Variants in ZBTB11 observed in about 807,000 individuals in gnomAD.
The protein encoded by ZBTB11 is zinc finger and BTB domain-containing protein 11.
Under a neutral mutation model 113.1 loss-of-function variants are expected in ZBTB11, and 68 were observed. That is an observed-to-expected ratio of 0.60 (90% CI 0.49 to 0.74). The LOEUF (loss-of-function observed/expected upper bound fraction) is 0.74, where lower values mean the gene tolerates loss of function less well. Ranked by LOEUF, ZBTB11 falls within the 30% of genes least tolerant of loss-of-function variation. The probability of loss-of-function intolerance (pLI) is 0.00; values close to 1 mark genes in which losing one functional copy is unlikely to be tolerated. For missense variants in ZBTB11, 1,104 were observed against 1,279.4 expected, an observed-to-expected ratio of 0.86 and a Z score of 2.09; for synonymous variants, 518 against 452.6, an observed-to-expected ratio of 1.14 and a Z score of -1.83.
intron 8 of ZBTB11, 81 bp downstream of exon 8, chr3:101,654,623 A>C: frequency 8.3e-7 from 1 of 1,203,954 alleles, no homozygotes; most frequent in Non-Finnish European, 1.2e-6. Context: ...TTACAGTTTA[A>C]TATTATCTTC....
chr3:101,676,897 G>A lies in ZBTB11; in HGVS notation c.18C>T (p.Ser6=). MSSEE[S]YRAILRYLTN... Reference sequence around the variant, plus strand: ...TCAGGTAACGCAGGATGGCCCGGTAGCTTTCCTCGCTTGACATCGCGGACC... The same window carrying A: ...TCAGGTAACGCAGGATGGCCCGGTAACTTTCCTCGCTTGACATCGCGGACC... Residue 6 remains serine, a synonymous_variant, in exon 1 of 11, where the codon AGC becomes AGT. Transcript: ENST00000312938. 3 of 1,578,030 alleles carry A rather than the reference G, an allele frequency of 1.9e-6. No homozygotes were observed. Among genetic ancestry groups the A allele is most frequent in the Non-Finnish European group, 2.6e-6 (3 of 1,157,590 alleles).
At chr3:101,651,832 T>G in intron 10 of ZBTB11, 149 bp from the exon 11 acceptor site, 1 of 916,684 alleles carries the variant, frequency 1.1e-6, no homozygotes, top group Non-Finnish European at 1.5e-6. Context: ...AGGACTTTCC[T>G]TAGAATAAAG....
At chr3:101,660,896 G>A (rs1936875919) in intron 5 of ZBTB11, among the ~76,000 whole-genome samples, 1 of 152,034 alleles carries the variant, frequency 6.6e-6, no homozygotes, top group African/African-American at 2.4e-5. Flanking sequence ...TGTACTGGGA[G>A]GAGATTTAAA....
chr3:101,651,448 T>C lies in ZBTB11; in HGVS notation c.2880A>G (p.Gln960=), dbSNP rs776310585. The change falls in exon 11 of 11, where the codon CAA becomes CAG. Residue 960 remains glutamine, a synonymous_variant. Coordinates refer to ENST00000312938, the MANE Select transcript of ZBTB11 (RefSeq NM_014415.4). ...DTLQFHNQGT[Q]VAHAVSILTA... is the part of the protein sequence containing the mutation. ...TTAAGATGCTAACAGCATGTGCCACTTGAGTTCCTTGGTTATGAAACTGAA... is the reference window on the plus strand; with the variant it reads ...TTAAGATGCTAACAGCATGTGCCACCTGAGTTCCTTGGTTATGAAACTGAA... The C allele has an allele frequency of 6.8e-6, 11 of 1,614,226 alleles. No individual in the cohort carries two copies. Among genetic ancestry groups the C allele is most frequent in the Non-Finnish European group, 8.5e-6 (10 of 1,180,024 alleles).
rs781352832 is a variant in ZBTB11 at position 101,676,964 on chromosome 3, C to A, written c.-50G>T. 6.7e-7 allele frequency: 1 copy of A among 1,496,076 alleles called. No homozygotes were observed. Among genetic ancestry groups the A allele is most frequent in the South Asian group, 1.3e-5 (1 of 74,476 alleles). 92.7% of individuals were successfully genotyped at this position (1,496,076 alleles called of 1,614,324 possible). A position where few individuals can be genotyped will look rare whatever the true frequency, so the allele number is the denominator to read the frequency against. On this transcript the variant is annotated 5_prime_UTR_variant, in exon 1 of 11. Transcript: ENST00000312938. ...GCCTGTCAGGGACAGGTGAGGAAAA[C>A]GGCCCGCTACCTACGGGCGGCTGCA...
chr3:101,653,249 G>GT, intron 8 of ZBTB11, among the ~76,000 whole-genome samples: 1 of 152,266 alleles, frequency 6.6e-6, no homozygotes, highest in South Asian at 2.1e-4. Context: ...TAGTCCATGT[G>GT]TTGAGGGTAG....
At chr3:101,653,149 A>G (rs1936732262) in intron 8 of ZBTB11, among the ~76,000 whole-genome samples, 1 of 152,234 alleles carries the variant, frequency 6.6e-6, no homozygotes, top group African/African-American at 2.4e-5. Context: ...AGAATCGTGC[A>G]TAGTTCCCAA....
intron 5 of ZBTB11, among the ~76,000 whole-genome samples, chr3:101,660,446 T>C (rs765076463): frequency 6.6e-6 from 1 of 152,210 alleles, no homozygotes; most frequent in Non-Finnish European, 1.5e-5. Context: ...AATCTTTGAT[T>C]TTTAAAATCA....
At chr3:101,670,174 G>T (rs887749881) in intron 3 of ZBTB11, among the ~76,000 whole-genome samples, 1 of 152,184 alleles carries the variant, frequency 6.6e-6, no homozygotes, top group African/African-American at 2.4e-5. Flanking sequence ...AAGGAAAAAT[G>T]TATCTTCCCA....
chr3:101,676,265 C>A (rs1240310315), intron 1 of ZBTB11, among the ~76,000 whole-genome samples: 1 of 141,400 alleles, frequency 7.1e-6, no homozygotes, highest in African/African-American at 2.7e-5. Context: ...CCACACGCCA[C>A]CTCCAGAGGG....
chr3:101,673,590 T>G (rs1233902783), intron 1 of ZBTB11, among the ~76,000 whole-genome samples: 1 of 152,060 alleles, frequency 6.6e-6, no homozygotes. Flanking sequence ...CCCGGCTCAC[T>G]GCAACCTCCG....
intron 8 of ZBTB11, among the ~76,000 whole-genome samples, chr3:101,653,565 A>C (rs1456732454): frequency 6.6e-6 from 1 of 152,228 alleles, no homozygotes. Flanking sequence ...TATTTAATTC[A>C]AGCCTGTTTG....
rs1936982413 is a variant in ZBTB11 at position 101,665,549 on chromosome 3, GC to G, written c.1037del (p.Ser346ThrfsTer22). ...GTAAACTTGTTGTGGTTCCCTCACTGCTAGCAACAGGAGGTGCTGTACCTCC... is the reference window on the plus strand; with the variant it reads ...GTAAACTTGTTGTGGTTCCCTCACTGTAGCAACAGGAGGTGCTGTACCTCC... ...QNGGTAPPVA[S>X]SEGTTTSLPT... On this transcript the variant is annotated frameshift_variant, in exon 4 of 11. Coordinates refer to ENST00000312938, the MANE Select transcript of ZBTB11 (RefSeq NM_014415.4). LOFTEE classifies it high-confidence loss of function. 6.2e-7 allele frequency: 1 copy of G among 1,614,056 alleles called. No individual in the cohort carries two copies. Among genetic ancestry groups the G allele is most frequent in the African/African-American group, 1.3e-5 (1 of 74,908 alleles).
chr3:101,650,177 A>G lies in ZBTB11; in HGVS notation c.*989T>C, dbSNP rs1230698370. ...CATTCTGAAATTACCTGACAATTAC[A>G]TGGTATCCACAGAGCTGCTGTGAAT... On this transcript the variant is annotated 3_prime_UTR_variant, in exon 11 of 11. Transcript: ENST00000312938. 1 of 152,220 alleles carries G rather than the reference A, an allele frequency of 6.6e-6. No individual in the cohort carries two copies. The allele number at this position is 152,220 out of a possible 1,614,324, so 9.4% of individuals were successfully genotyped here.
intron 5 of ZBTB11, among the ~76,000 whole-genome samples, chr3:101,661,193 C>T (rs889417972): frequency 6.7e-6 from 1 of 148,960 alleles, no homozygotes; most frequent in Non-Finnish European, 1.5e-5. Flanking sequence ...GTGATAGTGC[C>T]ACTGCACTCC....
At position 101,651,158 on chromosome 3, in the gene ZBTB11, TA is replaced by T; in HGVS notation, c.*7del. 3 of 1,558,080 alleles carry T rather than the reference TA, an allele frequency of 1.9e-6. No individual in the cohort carries two copies. The highest frequency in any genetic ancestry group is 2.6e-6 in the Non-Finnish European group (3 of 1,155,368). ...AGATGTCACTTCTTTTTATCTTCAT[TA>T]ACATACTCATTCTCCTCCTGAAATA... On this transcript the variant is annotated 3_prime_UTR_variant, in exon 11 of 11. Coordinates refer to ENST00000312938, the MANE Select transcript of ZBTB11 (RefSeq NM_014415.4).
chr3:101,672,290 T>G (rs1937097136), intron 1 of ZBTB11, 77 bp from the exon 2 acceptor site: 1 of 1,011,864 alleles, frequency 9.9e-7, no homozygotes, highest in African/African-American at 1.6e-5. Flanking sequence ...CTGTGCACAT[T>G]AACACATTTC....
intron 1 of ZBTB11, among the ~76,000 whole-genome samples, chr3:101,672,799 G>A (rs1377976333): frequency 1.3e-5 from 2 of 152,208 alleles, no homozygotes; most frequent in African/African-American, 4.8e-5. Context: ...TTGACCGTGT[G>A]ATTTGATTTG....
At chr3:101,668,237 T>C (rs1937027391) in intron 3 of ZBTB11, among the ~76,000 whole-genome samples, 1 of 151,986 alleles carries the variant, frequency 6.6e-6, no homozygotes, top group Non-Finnish European at 1.5e-5. Context: ...AGGAGGTTGA[T>C]TAATAGATAC....
Sources: gnomAD v4.1 joint callset for allele counts (sites outside exome capture counted in the v4.1 genomes callset) on GRCh38, gnomAD v4.1.1 for gene constraint, MANE v1.5 for transcripts, NCBI Gene and HGNC (gene_info 2026-07-23, HGNC 2026-07-21) for gene names.